Variants in WDR17 observed in about 807,000 individuals in gnomAD.
The protein encoded by WDR17 is WD repeat-containing protein 17.
WDR17 carries 143 observed loss-of-function variants against 161.7 expected under a neutral mutation model. The ratio of observed to expected loss-of-function variants is 0.88; its 90% CI spans 0.77 to 1.02. The LOEUF is 1.02. Among genes scored for constraint, WDR17 ranks in the 50% least tolerant of loss-of-function variants. The probability of loss-of-function intolerance (pLI) is 0.00; values close to 1 mark genes in which losing one functional copy is unlikely to be tolerated. For synonymous variants in WDR17, 517 were observed against 515.6 expected (o/e 1.00, Z -0.04); for missense variants, 1,469 against 1,520.9 (o/e 0.97, Z 0.57).
intron 6 of WDR17, 27 bp from the exon 7 acceptor site, chr4:176,131,527 A>T (rs759382985): frequency 3.0e-5 from 47 of 1,576,746 alleles, no homozygotes; most frequent in Non-Finnish European, 4.0e-5. Flanking sequence ...TTTCATTCCA[A>T]TAGGATTTTT....
Position 176,146,906 on chromosome 4 carries a change from C to T in WDR17, c.1694+747C>T, listed in dbSNP as rs369367817. ...TTTTTTTGAGACAGTCTCACTGTGT[C>T]GCCAGGCTGGAGTGCAGTGGCATGA... On this transcript the variant is annotated intron_variant, in intron 12 of 28. Transcript: ENST00000508596. 3.2e-4 allele frequency among the ~76,000 whole-genome samples: 48 copies of T among 151,592 alleles called. No homozygotes were observed. The East Asian group carries it at 6.6e-3, about 21-fold the overall frequency.
At chr4:176,074,541 C>T (rs13101379) in intron 1 of WDR17, among the ~76,000 whole-genome samples, 79,265 of 151,618 alleles carry the variant, frequency 0.52, 22,136 homozygotes, top group South Asian at 0.63. Flanking sequence ...ACTGCAGCCT[C>T]GATTTCCTGG....
chr4:176,098,578 T>A (rs557567162), intron 1 of WDR17, among the ~76,000 whole-genome samples: 168 of 152,092 alleles, frequency 1.1e-3, no homozygotes, highest in Middle Eastern at 3.4e-3. Context: ...ACTACAAAGA[T>A]AACAAAAGGT....
intron 3 of WDR17, among the ~76,000 whole-genome samples, chr4:176,119,371 A>G (rs1226550255): frequency 6.6e-6 from 1 of 152,152 alleles, no homozygotes; most frequent in Non-Finnish European, 1.5e-5. Flanking sequence ...TAAATTCCTG[A>G]TAAGACATAG....
At chr4:176,142,453 C>G (rs898567279) in intron 11 of WDR17, among the ~76,000 whole-genome samples, 1 of 152,050 alleles carries the variant, frequency 6.6e-6, no homozygotes, top group Non-Finnish European at 1.5e-5. Flanking sequence ...TTTGCATTGT[C>G]CCCCACCCGA....
At chr4:176,116,221 T>C (rs560107424) in intron 3 of WDR17, among the ~76,000 whole-genome samples, 5 of 151,912 alleles carry the variant, frequency 3.3e-5, no homozygotes, top group African/African-American at 1.2e-4. Flanking sequence ...CAAATAATTT[T>C]ATTAATGTTT....
chr4:176,066,576 C>T (rs1241910200), intron 1 of WDR17, among the ~76,000 whole-genome samples: 2 of 151,972 alleles, frequency 1.3e-5, no homozygotes, highest in Admixed American at 6.6e-5. Flanking sequence ...TTAAGTAGAT[C>T]GTAAAATAGA....
intron 22 of WDR17, among the ~76,000 whole-genome samples, chr4:176,164,574 C>A (rs989134873): frequency 1.3e-5 from 2 of 151,990 alleles, no homozygotes; most frequent in African/African-American, 4.8e-5. Context: ...TTCTAAAATC[C>A]AAAAAAGTCT....
chr4:176,148,146 T>C lies in WDR17; in HGVS notation c.1708T>C (p.Trp570Arg). The change falls in exon 13 of 29, where the codon TGG becomes CGG. Residue 570 changes from tryptophan (W) to arginine (R), a missense_variant. Transcript: ENST00000508596. Reference protein sequence around the residue: ...SGSDDGTVRIWDYTQDACINI... With the variant: ...SGSDDGTVRIRDYTQDACINI... Reference sequence around the variant, plus strand: ...TTCTGTTTTCAGTACCGTTCGAATCTGGGATTATACTCAGGATGCTTGCAT... The same window carrying C: ...TTCTGTTTTCAGTACCGTTCGAATCCGGGATTATACTCAGGATGCTTGCAT... 1.2e-6 allele frequency: 2 copies of C among 1,613,952 alleles called. No homozygotes were observed. The highest frequency in any genetic ancestry group is 1.7e-6 in the Non-Finnish European group (2 of 1,179,918).
intron 1 of WDR17, among the ~76,000 whole-genome samples, chr4:176,069,766 A>T (rs957420084): frequency 2.6e-5 from 4 of 152,328 alleles, no homozygotes; most frequent in South Asian, 4.1e-4. Context: ...ATCGGAAAGT[A>T]GAAAATAATT....
intron 1 of WDR17, among the ~76,000 whole-genome samples, chr4:176,099,953 A>G (rs1272523216): frequency 3.3e-5 from 5 of 152,188 alleles, no homozygotes; most frequent in African/African-American, 1.2e-4. Flanking sequence ...CACTGTGTAT[A>G]TATACCACAT....
intron 1 of WDR17, among the ~76,000 whole-genome samples, chr4:176,108,383 A>T (rs1739152419): frequency 6.6e-6 from 1 of 152,168 alleles, no homozygotes; most frequent in Non-Finnish European, 1.5e-5. Context: ...AACTATGGAA[A>T]CATTAAAAGA....
At chr4:176,153,164 G>A (rs1209018893) in intron 17 of WDR17, among the ~76,000 whole-genome samples, 1 of 152,120 alleles carries the variant, frequency 6.6e-6, no homozygotes, top group East Asian at 1.9e-4. Flanking sequence ...TCTCTTGCAT[G>A]CTGAAGTTTG....
At chr4:176,078,981 A>G (rs1734405916) in intron 1 of WDR17, among the ~76,000 whole-genome samples, 3 of 152,000 alleles carry the variant, frequency 2.0e-5, no homozygotes, top group Admixed American at 2.0e-4. Flanking sequence ...TTCCTTCTAT[A>G]TAGCTGTAAT....
intron 1 of WDR17, among the ~76,000 whole-genome samples, chr4:176,110,151 A>T (rs1408038331): frequency 6.6e-6 from 1 of 151,300 alleles, no homozygotes; most frequent in Non-Finnish European, 1.5e-5. Context: ...ATTTATTTTT[A>T]TTTTTTTTGA....
chr4:176,125,293 C>T lies in WDR17; in HGVS notation c.728C>T (p.Ala243Val), dbSNP rs114488021. 5.8e-4 allele frequency: 933 copies of T among 1,614,164 alleles called. No individual in the cohort carries two copies. Among genetic ancestry groups the T allele is most frequent in the Non-Finnish European group, 7.6e-4 (901 of 1,180,016 alleles). The change falls in exon 5 of 29, where the codon GCA (alanine) becomes GTA (valine). Residue 243 changes from alanine to valine, a missense_variant. Transcript: ENST00000508596. The part of the protein sequence containing the change: ...SCITTFNLPS[A>V]AASVQCLAWV... The stretch of plus-strand genomic sequence containing the variant: ...ATAACAACATTTAATCTTCCCAGTG[C>T]AGCAGCTTCTGTACAGTGCTTAGCC...
intron 1 of WDR17, among the ~76,000 whole-genome samples, chr4:176,073,881 T>G (rs572810793): frequency 4.5e-4 from 67 of 149,478 alleles, no homozygotes; most frequent in Non-Finnish European, 8.4e-4. Context: ...TTTCATGTGT[T>G]TTTTGGCTGC....
Position 176,142,076 on chromosome 4 carries a change from G to A in WDR17, c.1529+7G>A. 1 of 1,601,504 alleles carries A rather than the reference G, an allele frequency of 6.2e-7. No homozygotes were observed. The highest frequency in any genetic ancestry group is 8.5e-7 in the Non-Finnish European group (1 of 1,174,558). ...ATTGGAGCCAAAACAATAAGTAAGT[G>A]GTTTTTTTTCCTGAAATAAATAATA... On this transcript the variant is annotated splice_region_variant and intron_variant, in intron 11 of 28. Transcript: ENST00000508596.
At chr4:176,155,017 A>G (rs534740859) in intron 17 of WDR17, among the ~76,000 whole-genome samples, 1 of 152,306 alleles carries the variant, frequency 6.6e-6, no homozygotes, top group East Asian at 1.9e-4. Flanking sequence ...TGAAGAAATG[A>G]CAATAAGTAA....
Sources: allele counts gnomAD v4.1 joint callset (sites outside exome capture counted in the v4.1 genomes callset), GRCh38; gene constraint gnomAD v4.1.1; transcripts MANE v1.5; gene names NCBI Gene and HGNC (gene_info 2026-07-23, HGNC 2026-07-21).